The following DHX8 variants were observed in gnomAD, a reference collection of about 807,000 sequenced individuals.
The protein encoded by DHX8 is DEAH-box helicase 8.
DHX8 carries 67 observed loss-of-function variants against 140.7 expected under a neutral mutation model. The ratio of observed to expected loss-of-function variants is 0.48; its 90% CI spans 0.39 to 0.58. The LOEUF is 0.58. Ranked by LOEUF, DHX8 falls within the 20% of genes least tolerant of loss-of-function variation. The probability of loss-of-function intolerance (pLI) is 0.00; values close to 1 mark genes in which losing one functional copy is unlikely to be tolerated. For synonymous variants in DHX8, 533 were observed against 553.2 expected (o/e 0.96, Z 0.51); for missense variants, 887 against 1,550.7 (o/e 0.57, Z 7.19).
At position 43,492,782 on chromosome 17, in the gene DHX8, A is replaced by G; in HGVS notation, c.605A>G (p.His202Arg). 6.2e-7 allele frequency: 1 copy of G among 1,614,160 alleles called. No individual in the cohort carries two copies. The highest frequency in any genetic ancestry group is 1.3e-5 in the African/African-American group (1 of 75,032). ...RNRDRDHKRR[H>R]RSRSRSRSRT... ...CGAGATAGAGACCACAAGCGGAGAC[A>G]CCGATCCCGCTCTCGATCACGTTCC... The change falls in exon 6 of 23, where the codon CAC (histidine) becomes CGC (arginine). Residue 202 changes from histidine (H) to arginine (R), a missense_variant. Physicochemically the swap from His to Arg is conservative, Grantham distance 29. Coordinates refer to ENST00000262415, the MANE Select transcript of DHX8 (RefSeq NM_004941.3).
At position 43,519,844 on chromosome 17, in the gene DHX8, G is replaced by A. The variant is rs909824759; in HGVS notation, c.2800-286G>A. 18 of 265,546 alleles carry A rather than the reference G, an allele frequency of 6.8e-5. 1 individual carries two copies. The highest frequency in any genetic ancestry group is 3.8e-4 in the African/African-American group (17 of 44,470). 16.4% of individuals were successfully genotyped at this position (265,546 alleles called of 1,614,324 possible). A position where few individuals can be genotyped will look rare whatever the true frequency, so the allele number is the denominator to read the frequency against. ...TAATCCCAGCTACTTGGGATGCTGA[G>A]GCAGAAGAATCGCTTGAACGTAGGA... On this transcript the variant is annotated intron_variant, in intron 18 of 22. Transcript: ENST00000262415.
chr17:43,509,215 G>A (rs1298734039), intron 16 of DHX8, among the ~76,000 whole-genome samples: 1 of 152,106 alleles, frequency 6.6e-6, no homozygotes, highest in African/African-American at 2.4e-5. Context: ...TCTTCCTAGA[G>A]GAAATAAGGA....
rs145948334 is a variant in DHX8 at position 43,490,275 on chromosome 17, A to G, written c.235-116A>G. ...GACACACTATGTTTCATGTATTCCA[A>G]TTAGCTAAATTCAAGTGCGTAACCA... On this transcript the variant is annotated intron_variant, in intron 2 of 22. Transcript: ENST00000262415. The G allele has an allele frequency of 7.3e-3, 5,278 of 719,430 alleles. 175 individuals are homozygous for G. Among genetic ancestry groups the G allele is most frequent in the Admixed American group, 0.069 (2,763 of 40,000 alleles). The allele number at this position is 719,430 out of a possible 1,614,324, so 44.6% of individuals were successfully genotyped here. A position where few individuals can be genotyped will look rare whatever the true frequency, so the allele number is the denominator to read the frequency against.
chr17:43,532,721 G>C (rs766597347), intron 2 of DHX8: 1 of 1,613,684 alleles, frequency 6.2e-7, no homozygotes, highest in East Asian at 2.2e-5. Flanking sequence ...CACCACCCCC[G>C]CCCCTGGGTA....
intron 5 of DHX8, 75 bp from the exon 6 acceptor site, chr17:43,492,606 G>C: frequency 1.2e-6 from 1 of 867,788 alleles, no homozygotes; most frequent in Non-Finnish European, 1.9e-6. Context: ...GCATGGCACT[G>C]TACTGGGTGC....
chr17:43,532,954 A>C (rs1364015803), intron 2 of DHX8: 2 of 1,549,532 alleles, frequency 1.3e-6, no homozygotes. Flanking sequence ...ATGTGGTTGG[A>C]TGGAGAAGGA....
chr17:43,518,933 T>C (rs1243387172), intron 18 of DHX8: 5 of 152,266 alleles, frequency 3.3e-5, no homozygotes, highest in Non-Finnish European at 5.9e-5. Flanking sequence ...TATCCATTTA[T>C]TTCATTCCTT....
intron 21 of DHX8, 55 bp downstream of exon 21, chr17:43,521,620 T>TG: frequency 6.5e-7 from 1 of 1,530,762 alleles, no homozygotes; most frequent in African/African-American, 1.4e-5. Context: ...TTGAGTATCA[T>TG]GTCTTTTCAT....
intron 16 of DHX8, among the ~76,000 whole-genome samples, chr17:43,508,958 G>A (rs1272737565): frequency 6.6e-6 from 1 of 152,160 alleles, no homozygotes; most frequent in Non-Finnish European, 1.5e-5. Flanking sequence ...TCAGAGACTG[G>A]TCCAACCAAT....
chr17:43,519,720 C>G (rs1463622463), intron 18 of DHX8: 1 of 155,582 alleles, frequency 6.4e-6, no homozygotes, highest in African/African-American at 2.4e-5. Flanking sequence ...GCAGGCGGAT[C>G]ACTTGAGGTC....
rs190589908 is a variant in DHX8 at position 43,516,734 on chromosome 17, C to T, written c.2644-433C>T. ...AAAGTGCTGGGATTATAGGCATAAG[C>T]CACGACGCTTGGCCTGCAAACATAA... On this transcript the variant is annotated intron_variant, in intron 17 of 22. Coordinates refer to ENST00000262415, the MANE Select transcript of DHX8 (RefSeq NM_004941.3). 1.7e-3 allele frequency among the ~76,000 whole-genome samples: 255 copies of T among 152,194 alleles called. 1 individual carries two copies. Among genetic ancestry groups the T allele is most frequent in the Admixed American group, 3.6e-3 (55 of 15,278 alleles).
At chr17:43,534,242 C>T (rs775270093) in intron 2 of DHX8, among the ~76,000 whole-genome samples, 3 of 152,138 alleles carry the variant, frequency 2.0e-5, no homozygotes, top group Admixed American at 6.5e-5. Context: ...AGGCTGGGCA[C>T]GGTAGCTCAC....
At chr17:43,505,797 A>G (rs1386943808) in intron 12 of DHX8, among the ~76,000 whole-genome samples, 2 of 152,058 alleles carry the variant, frequency 1.3e-5, no homozygotes, top group East Asian at 3.9e-4. Context: ...TTTTAAGACC[A>G]CCGAGTCTTC....
At chr17:43,489,597 GTTTTTTTT>G in intron 2 of DHX8, 63 bp downstream of exon 2, 3 of 1,077,600 alleles carry the variant, frequency 2.8e-6, no homozygotes, top group Non-Finnish European at 4.0e-6. Context: ...TTGTTTGTTT[GTTTTTTTT>G]TTTGAGACAG....
At chr17:43,510,078 C>G (rs980117630) in intron 16 of DHX8, among the ~76,000 whole-genome samples, 1 of 151,872 alleles carries the variant, frequency 6.6e-6, no homozygotes, top group Non-Finnish European at 1.5e-5. Flanking sequence ...GATGGAGTTT[C>G]GCTCTTGTTG....
intron 15 of DHX8, 94 bp downstream of exon 15, chr17:43,508,113 T>C (rs1645246483): frequency 2.3e-6 from 3 of 1,281,962 alleles, no homozygotes; most frequent in Admixed American, 4.9e-5. Flanking sequence ...CTAATCTTTT[T>C]AAAAACAACT....
chr17:43,528,403 G>A (rs1970690536), downstream of DHX8: 7 of 703,822 alleles, frequency 9.9e-6, no homozygotes, highest in Middle Eastern at 4.1e-4. Context: ...GTAGGACAGT[G>A]GGGATCTGCC....
In DHX8 at chr17:43,513,482, G is replaced by T. The variant is rs758365994; in HGVS notation, c.2623G>T (p.Val875Leu). ...TTCCAAGACAGGGATTGACCAGCTC[G>T]TGGTGACGCCTATTTCTCAGGTATG... Reference protein sequence around the residue: ...YNSKTGIDQLVVTPISQAQAK... With the variant: ...YNSKTGIDQLLVTPISQAQAK... The change falls in exon 17 of 23, where the codon GTG (valine) becomes TTG (leucine). Residue 875 changes from valine (V) to leucine (L), a missense_variant. This residue lies in a region of DHX8 where 151 missense variants were observed against 388.3 expected (regional missense o/e 0.39). Coordinates refer to ENST00000262415, the MANE Select transcript of DHX8 (RefSeq NM_004941.3). 6.2e-7 allele frequency: 1 copy of T among 1,613,876 alleles called. No homozygotes were observed.
At chr17:43,508,612 G>A (rs1379949103) in intron 16 of DHX8, 92 bp downstream of exon 16, 6 of 755,632 alleles carry the variant, frequency 7.9e-6, no homozygotes, top group Non-Finnish European at 1.2e-5. Context: ...TAGGGTGTAT[G>A]CAAGTCTTTT....
Sources: gnomAD v4.1 joint callset for allele counts (sites outside exome capture counted in the v4.1 genomes callset) on GRCh38, gnomAD v4.1.1 for gene constraint, gnomAD v4.1.1 regional missense constraint, MANE v1.5 for transcripts, NCBI Gene and HGNC (gene_info 2026-07-23, HGNC 2026-07-21) for gene names.